The following ACOT11 variants were observed in gnomAD, a reference collection of about 807,000 sequenced individuals.
The protein encoded by ACOT11 is acyl-coenzyme A thioesterase 11.
A neutral mutation model predicts 77.5 loss-of-function variants in ACOT11; 69 were observed. That is an observed-to-expected ratio of 0.89 (90% confidence interval 0.73 to 1.09). The LOEUF (loss-of-function observed/expected upper bound fraction) is 1.09, where lower values mean the gene tolerates loss of function less well. Ranked by LOEUF, ACOT11 falls within the 50% of genes least tolerant of loss-of-function variation. The pLI is 0.00. For synonymous variants in ACOT11, 279 were observed against 313.0 expected (o/e 0.89, Z 1.15); for missense variants, 766 against 813.7 (o/e 0.94, Z 0.71).
At chr1:54,604,514 C>T in intron 12 of ACOT11, 85 bp downstream of exon 12, 2 of 1,236,216 alleles carry the variant, frequency 1.6e-6, no homozygotes, top group Non-Finnish European at 2.3e-6. Flanking sequence ...TCCCACACCA[C>T]TTATGTCAAA....
chr1:54,564,520 G>C (rs1290548104), intron 1 of ACOT11, among the ~76,000 whole-genome samples: 1 of 152,252 alleles, frequency 6.6e-6, no homozygotes, highest in Non-Finnish European at 1.5e-5. Flanking sequence ...ACGTGGACTC[G>C]GTGAGAGGTC....
chr1:54,554,952 TTTTGTTTGTTTG>T (rs149828291), intron 1 of ACOT11, among the ~76,000 whole-genome samples: 1 of 151,924 alleles, frequency 6.6e-6, no homozygotes, highest in Admixed American at 6.6e-5. Flanking sequence ...TGTCTTCTGG[TTTTGTTTGTTTG>T]TTTGTTTGTT....
chr1:54,564,594 C>T (rs1329133971), intron 1 of ACOT11, among the ~76,000 whole-genome samples: 3 of 152,212 alleles, frequency 2.0e-5, no homozygotes, highest in South Asian at 2.1e-4. Flanking sequence ...ACACCTGGGC[C>T]GAGCTGAAGC....
chr1:54,554,795 G>A (rs751773023), intron 1 of ACOT11, among the ~76,000 whole-genome samples: 2 of 152,178 alleles, frequency 1.3e-5, no homozygotes, highest in Non-Finnish European at 2.9e-5. Context: ...TATATACCCA[G>A]TAGTGGGACT....
At chr1:54,632,561 A>C (rs543806980) in intron 16 of ACOT11, among the ~76,000 whole-genome samples, 40 of 152,370 alleles carry the variant, frequency 2.6e-4, no homozygotes, top group Admixed American at 9.1e-4. Context: ...AGCGCATAGC[A>C]CAGCTCCTGG....
rs186910330 is a variant in ACOT11, at chr1:54,575,248, A to G, written c.34-9407A>G. On this transcript the variant is annotated intron_variant, in intron 1 of 15. Transcript: ENST00000343744. Reference sequence around the variant, plus strand: ...TACCTCACCAGTGATAGCACCTCACATATTTGCTTATGGGTCAAATGAGAT... The same window carrying G: ...TACCTCACCAGTGATAGCACCTCACGTATTTGCTTATGGGTCAAATGAGAT... 1.7e-3 allele frequency among the ~76,000 whole-genome samples: 259 copies of G among 152,254 alleles called. 1 individual carries two copies. Among genetic ancestry groups the G allele is most frequent in the Non-Finnish European group, 2.3e-3 (159 of 68,020 alleles).
At chr1:54,557,510 G>A (rs1218655511) in intron 1 of ACOT11, among the ~76,000 whole-genome samples, 1 of 152,002 alleles carries the variant, frequency 6.6e-6, no homozygotes, top group Non-Finnish European at 1.5e-5. Context: ...AAACTATTGG[G>A]CTCAAGCAAT....
rs747975296 is a variant in ACOT11, at chr1:54,585,831, C to T, written c.242-4C>T. The stretch of plus-strand genomic sequence containing the variant: ...AATGTCTGGCTTTCTTCTGCTGACA[C>T]CAGCGGAGAGGCACGCTGGCTGCCC... On this transcript the variant is annotated splice_polypyrimidine_tract_variant and splice_region_variant and intron_variant, in intron 2 of 15. Coordinates refer to ENST00000343744, the MANE Select transcript of ACOT11 (RefSeq NM_147161.4). 5.0e-6 allele frequency: 8 copies of T among 1,613,970 alleles called. No homozygotes were observed. Among genetic ancestry groups the T allele is most frequent in the Non-Finnish European group, 6.8e-6 (8 of 1,179,942 alleles).
chr1:54,582,310 G>A, intron 1 of ACOT11: 1 of 353,736 alleles, frequency 2.8e-6, no homozygotes, highest in South Asian at 1.1e-4. Flanking sequence ...GCACTTGAGG[G>A]ACACAGGTAG....
rs765942343 is a variant in ACOT11 at position 54,602,715 on chromosome 1, G to A, written c.1076G>A (p.Arg359His). The stretch of plus-strand genomic sequence containing the variant: ...GAGGCCAGTGCCAGAAAGAAGATCC[G>A]CCTGGACAGGTGAGTAGGGGCTGAG... ...YREASARKKI[R>H]LDRKYIVSCK... The change falls in exon 10 of 16, where the codon CGC (arginine) becomes CAC (histidine). Residue 359 changes from arginine (R) to histidine (H), a missense_variant. Arg to His is a conservative substitution (Grantham distance 29, BLOSUM62 0). Transcript: ENST00000343744. 42 of 1,551,634 alleles carry A rather than the reference G, an allele frequency of 2.7e-5. No homozygotes were observed. Among genetic ancestry groups the A allele is most frequent in the African/African-American group, 4.1e-5 (3 of 72,600 alleles).
intron 15 of ACOT11, 43 bp downstream of exon 15, chr1:54,608,111 C>G: frequency 6.3e-7 from 1 of 1,585,270 alleles, no homozygotes; most frequent in Non-Finnish European, 8.6e-7. Flanking sequence ...CTGGCTCCAC[C>G]CCAACACCAC....
At chr1:54,583,454 G>A (rs747137908) in intron 1 of ACOT11, among the ~76,000 whole-genome samples, 3 of 152,150 alleles carry the variant, frequency 2.0e-5, no homozygotes, top group Non-Finnish European at 4.4e-5. Flanking sequence ...CCAGCATCCT[G>A]CAGCCGTGGC....
chr1:54,605,274 C>T, intron 13 of ACOT11, 65 bp downstream of exon 13: 7 of 1,562,256 alleles, frequency 4.5e-6, no homozygotes, highest in South Asian at 2.3e-5. Context: ...GAGAGTGTCT[C>T]CTTCTGCGGG....
downstream of ACOT11, chr1:54,610,887 T>G (rs758725241): frequency 4.1e-6 from 4 of 985,390 alleles, no homozygotes; most frequent in Non-Finnish European, 4.8e-6. Context: ...ACTGCGGCTC[T>G]TCTGGGTTCG....
chr1:54,598,917 G>C (rs1643920327), intron 7 of ACOT11: 1 of 149,740 alleles, frequency 6.7e-6, no homozygotes, highest in Non-Finnish European at 1.5e-5. Flanking sequence ...GGCCGAGGGG[G>C]GTGGATCACC....
At chr1:54,606,280 G>C (rs1644025143) in intron 13 of ACOT11, among the ~76,000 whole-genome samples, 1 of 152,142 alleles carries the variant, frequency 6.6e-6, no homozygotes, top group Non-Finnish European at 1.5e-5. Flanking sequence ...GGCTGGGGTG[G>C]GCCTTGAAGG....
At chr1:54,576,610 G>T (rs1347885276) in intron 1 of ACOT11, among the ~76,000 whole-genome samples, 1 of 152,070 alleles carries the variant, frequency 6.6e-6, no homozygotes, top group Non-Finnish European at 1.5e-5. Context: ...TGTGGCAGGG[G>T]CTGTGTGACT....
chr1:54,565,257 A>C (rs1417499524), intron 1 of ACOT11, among the ~76,000 whole-genome samples: 1 of 152,212 alleles, frequency 6.6e-6, no homozygotes, highest in African/African-American at 2.4e-5. Flanking sequence ...TTTACCCGGC[A>C]GATCCCACTG....
At chr1:54,618,007 A>G (rs1644192895) in intron 15 of ACOT11, among the ~76,000 whole-genome samples, 1 of 152,062 alleles carries the variant, frequency 6.6e-6, no homozygotes, top group African/African-American at 2.4e-5. Context: ...AATTACAGGC[A>G]TGAGCCACCA....
Sources: gnomAD v4.1 joint callset for allele counts (sites outside exome capture counted in the v4.1 genomes callset) on GRCh38, gnomAD v4.1.1 for gene constraint, MANE v1.5 for transcripts, NCBI Gene and HGNC (gene_info 2026-07-23, HGNC 2026-07-21) for gene names.